TMEM35A: variants seen among roughly 807,000 people sequenced by gnomAD.
TMEM35A encodes the protein nicotinic acetylcholine receptor chaperone.
For synonymous variants in TMEM35A, 50 were observed against 54.7 expected (o/e 0.91, Z 0.38); for missense variants, 83 against 132.7 (o/e 0.63, Z 1.84).
chrX:101,090,925 C>T (rs761378611), intron 1 of TMEM35A, among the ~76,000 whole-genome samples: 3 of 109,404 alleles, frequency 2.7e-5, no homozygotes, highest in African/African-American at 6.7e-5. Context: ...CAACCTCTGC[C>T]TCCTGGGTTC....
Position 101,094,868 on chromosome X carries a change from C to A in TMEM35A, c.416C>A (p.Ser139Tyr). 1 of 1,210,576 alleles carries A rather than the reference C, an allele frequency of 8.3e-7. No individual in the cohort carries two copies. Among genetic ancestry groups the A allele is most frequent in the Admixed American group, 2.2e-5 (1 of 45,935 alleles). The change falls in exon 2 of 2, where the codon TCT becomes TAT. Residue 139 changes from serine (S) to tyrosine (Y), a missense_variant. Transcript: ENST00000372930. ...ATTGCTCGCAAGCCCGAAGACCGGT[C>A]TTCTGAGAAGAAGCCTTTGCCAGGG... The part of the protein sequence containing the change: ...LLIARKPEDR[S>Y]SEKKPLPGNA...
chrX:101,089,042 T>C (rs940515567), intron 1 of TMEM35A, among the ~76,000 whole-genome samples: 30 of 111,390 alleles, frequency 2.7e-4, no homozygotes, highest in Admixed American at 5.8e-4. Context: ...GGTGGGCTTC[T>C]CACCACCACC....
chrX:101,088,857 C>T (rs1238653834), intron 1 of TMEM35A, among the ~76,000 whole-genome samples: 1 of 110,255 alleles, frequency 9.1e-6, no homozygotes, highest in Admixed American at 9.7e-5. Context: ...GTGAGCCGAG[C>T]CACTGCACTC....
At chrX:101,092,732 T>C (rs889626748) in intron 1 of TMEM35A, among the ~76,000 whole-genome samples, 3 of 105,650 alleles carry the variant, frequency 2.8e-5, no homozygotes, top group East Asian at 5.9e-4. Context: ...CAGCCAGGTG[T>C]GGTAGTGCAT....
At position 101,095,139 on chromosome X, in the gene TMEM35A, T is replaced by A. The variant is rs2089335445; in HGVS notation, c.*183T>A. On this transcript the variant is annotated 3_prime_UTR_variant, in exon 2 of 2. Transcript: ENST00000372930. ...CTAAAATGACTTCCCCACATTGACA[T>A]TTGTGCGCCACCTTTAATCACTCTG... 1.3e-5 allele frequency: 6 copies of A among 469,880 alleles called. No homozygotes were observed. The highest frequency in any genetic ancestry group is 2.1e-5 in the Non-Finnish European group (6 of 291,748). 38.7% of individuals were successfully genotyped at this position (469,880 alleles called of 1,213,427 possible).
At chrX:101,088,923 C>T (rs1169589644) in intron 1 of TMEM35A, among the ~76,000 whole-genome samples, 1 of 110,277 alleles carries the variant, frequency 9.1e-6, no homozygotes, top group Non-Finnish European at 1.9e-5. Context: ...TTATGGAAGC[C>T]TCTGGGGTCT....
At chrX:101,081,244 T>C (rs1248751032) in intron 1 of TMEM35A, among the ~76,000 whole-genome samples, 2 of 112,160 alleles carry the variant, frequency 1.8e-5, no homozygotes, top group Non-Finnish European at 3.8e-5. Flanking sequence ...CACAATAGTT[T>C]GAAGAGGATT....
chrX:101,090,165 C>CTTTTTTTTT (rs1569495904), intron 1 of TMEM35A, among the ~76,000 whole-genome samples: 1 of 98,161 alleles, frequency 1.0e-5, no homozygotes, highest in African/African-American at 5.1e-5. Context: ...CCATTTCTTT[C>CTTTTTTTTT]TTTCTTTTTT....
At chrX:101,088,550 G>A (rs775235270) in intron 1 of TMEM35A, among the ~76,000 whole-genome samples, 2 of 109,671 alleles carry the variant, frequency 1.8e-5, no homozygotes, top group African/African-American at 6.6e-5. Context: ...CTGGGAGGTC[G>A]AGGCTGCAGT....
In TMEM35A at chrX:101,095,785, A is replaced by G. The variant is rs902199534; in HGVS notation, c.*829A>G. The G allele has an allele frequency of 8.9e-6, 1 of 111,760 alleles. No individual in the cohort carries two copies. Among genetic ancestry groups the G allele is most frequent in the South Asian group, 3.7e-4 (1 of 2,697 alleles). 9.2% of individuals were successfully genotyped at this position (111,760 alleles called of 1,213,427 possible). On this transcript the variant is annotated 3_prime_UTR_variant, in exon 2 of 2. Coordinates refer to ENST00000372930, the MANE Select transcript of TMEM35A (RefSeq NM_021637.3). ...TGAAGCAGTAAACTTGTTTCCAGAC[A>G]TCTTTTTCAGATTGTCTTAAGCCCA... is the stretch of plus-strand genomic sequence containing the variant.
chrX:101,081,657 G>T (rs41311551), intron 1 of TMEM35A: 1 of 111,816 alleles, frequency 8.9e-6, no homozygotes, highest in Admixed American at 9.5e-5. Flanking sequence ...TTTCCATTAA[G>T]GAGTGGATTC....
At chrX:101,091,302 CTT>C (rs111453010) in intron 1 of TMEM35A, among the ~76,000 whole-genome samples, 5,816 of 90,033 alleles carry the variant, frequency 0.065, 566 homozygotes, top group African/African-American at 0.22. Flanking sequence ...CTCTCTCTCT[CTT>C]TTTTTTTTTT....
At chrX:101,080,148 C>T (rs765583745) in intron 1 of TMEM35A, among the ~76,000 whole-genome samples, 3 of 111,340 alleles carry the variant, frequency 2.7e-5, no homozygotes, top group Non-Finnish European at 3.8e-5. Context: ...CATCATTGGG[C>T]TCTCAAGGTC....
chrX:101,091,088 G>A (rs2089322901), intron 1 of TMEM35A, among the ~76,000 whole-genome samples: 1 of 110,439 alleles, frequency 9.1e-6, no homozygotes, highest in Non-Finnish European at 1.9e-5. Flanking sequence ...CGATCCACCC[G>A]CCTCGGCCTC....
chrX:101,084,507 T>C (rs1230918551), intron 1 of TMEM35A, among the ~76,000 whole-genome samples: 1 of 111,380 alleles, frequency 9.0e-6, no homozygotes, highest in Non-Finnish European at 1.9e-5. Context: ...AACATGCACA[T>C]AGCATAAGTA....
At chrX:101,082,008 C>T (rs2089293148) in intron 1 of TMEM35A, 1 of 110,627 alleles carries the variant, frequency 9.0e-6, no homozygotes, top group Non-Finnish European at 1.9e-5. Flanking sequence ...ACACCTGGCA[C>T]AGTCTTCCTC....
intron 1 of TMEM35A, among the ~76,000 whole-genome samples, chrX:101,093,800 G>A (rs2089331007): frequency 1.8e-5 from 2 of 111,637 alleles, no homozygotes; most frequent in African/African-American, 3.3e-5. Context: ...AGGCTGAGAA[G>A]TCCAAGATCA....
chrX:101,094,444 AGAAAAATTATATATAATGG>A, intron 1 of TMEM35A, 110 bp from the exon 2 acceptor site: 1 of 632,200 alleles, frequency 1.6e-6, no homozygotes, highest in Admixed American at 4.1e-5. Context: ...AATTAAGATA[AGAAAAATTATATATAATGG>A]GACACCAGTG....
intron 1 of TMEM35A, among the ~76,000 whole-genome samples, chrX:101,090,277 C>T (rs987398365): frequency 2.8e-5 from 3 of 107,492 alleles, no homozygotes; most frequent in African/African-American, 6.9e-5. Flanking sequence ...CTCAGCCTCC[C>T]GGATAGCTGG....
Sources: gnomAD v4.1 joint callset for allele counts (sites outside exome capture counted in the v4.1 genomes callset) on GRCh38, gnomAD v4.1.1 for gene constraint, MANE v1.5 for transcripts, NCBI Gene and HGNC (gene_info 2026-07-23, HGNC 2026-07-21) for gene names.